Variants in PITPNM3 observed in about 807,000 individuals in gnomAD.
PITPNM3 encodes PITPNM family member 3.
In PITPNM3, 26 loss-of-function variants were observed where a neutral mutation model predicts 102.0. The ratio of observed to expected loss-of-function variants is 0.25; its 90% CI spans 0.19 to 0.35. The LOEUF (loss-of-function observed/expected upper bound fraction) is 0.35. Among genes scored for constraint, PITPNM3 ranks in the 10% least tolerant of loss-of-function variants. PITPNM3 has a pLI of 1.00. For synonymous variants in PITPNM3, 578 were observed against 558.6 expected (o/e 1.03, Z -0.49); for missense variants, 1,083 against 1,346.1 (o/e 0.80, Z 3.06).
At chr17:6,463,267 G>T (rs1339470686) in intron 17 of PITPNM3, among the ~76,000 whole-genome samples, 1 of 152,104 alleles carries the variant, frequency 6.6e-6, no homozygotes, top group Non-Finnish European at 1.5e-5. Flanking sequence ...ATCACTTGGA[G>T]TCCTGGGTTA....
intron 10 of PITPNM3, chr17:6,473,363 G>A: frequency 4.8e-6 from 1 of 208,336 alleles, no homozygotes; most frequent in South Asian, 8.1e-5. Flanking sequence ...CTCATCGGCG[G>A]GCCTCCCTGT....
At chr17:6,489,917 T>C (rs375564062) in intron 4 of PITPNM3, among the ~76,000 whole-genome samples, 5 of 151,824 alleles carry the variant, frequency 3.3e-5, no homozygotes, top group East Asian at 1.9e-4. Flanking sequence ...GGCAGAAGAA[T>C]CGCTTGAACC....
At chr17:6,553,585 C>T (rs1279346334) in intron 1 of PITPNM3, among the ~76,000 whole-genome samples, 1 of 152,192 alleles carries the variant, frequency 6.6e-6, no homozygotes, top group African/African-American at 2.4e-5. Flanking sequence ...CATGGCAGCC[C>T]TGGGGCCCAA....
chr17:6,473,612 C>G (rs1444185987), intron 10 of PITPNM3, among the ~76,000 whole-genome samples: 2 of 152,196 alleles, frequency 1.3e-5, no homozygotes, highest in Non-Finnish European at 2.9e-5. Context: ...GATACCCTCC[C>G]CACCCCTCAT....
chr17:6,535,679 G>A (rs932425690), intron 2 of PITPNM3, among the ~76,000 whole-genome samples: 2 of 152,242 alleles, frequency 1.3e-5, no homozygotes, highest in African/African-American at 2.4e-5. Context: ...AGCACTTTGG[G>A]AGGCCAAGGC....
At position 6,540,521 on chromosome 17, in the gene PITPNM3, T is replaced by C. The variant is rs566775737; in HGVS notation, c.23-2439A>G. Among the ~76,000 whole-genome samples the C allele has an allele frequency of 2.0e-5, 3 of 152,358 alleles. No homozygotes were observed. In the East Asian group the frequency reaches 5.8e-4, roughly 29 times the overall value. On this transcript the variant is annotated intron_variant, in intron 1 of 19. Coordinates refer to ENST00000262483, the MANE Select transcript of PITPNM3 (RefSeq NM_031220.4). ...AGAACTTTGTCACCTATTGTAGTTA[T>C]AAATGCTGAACTAACATGATGTCTC...
At position 6,470,549 on chromosome 17, in the gene PITPNM3, G is replaced by T; in HGVS notation, c.1625-141C>A. On this transcript the variant is annotated intron_variant, in intron 12 of 19. Coordinates refer to ENST00000262483, the MANE Select transcript of PITPNM3 (RefSeq NM_031220.4). The surrounding 1 kb of genome is among the most constrained non-coding windows in gnomAD (Gnocchi z 4.8). Reference sequence around the variant, plus strand: ...TGGGCGGGAGCACCCTGGCCTGGAGGAGGCCTGGGGAACGCGCTGCTCTTC... The same window carrying T: ...TGGGCGGGAGCACCCTGGCCTGGAGTAGGCCTGGGGAACGCGCTGCTCTTC... 9.3e-7 allele frequency: 1 copy of T among 1,076,678 alleles called. No individual in the cohort carries two copies. The allele number at this position is 1,076,678 out of a possible 1,614,324, so 66.7% of individuals were successfully genotyped here.
At chr17:6,521,519 T>C (rs1195064508) in intron 3 of PITPNM3, 1 of 151,790 alleles carries the variant, frequency 6.6e-6, no homozygotes, top group East Asian at 1.9e-4. Context: ...AAAATAATAA[T>C]AGTATAATAA....
Position 6,472,927 on chromosome 17 carries a change from T to C in PITPNM3, c.1259-100A>G. The C allele has an allele frequency of 1.4e-6, 2 of 1,395,624 alleles. No individual in the cohort carries two copies. The highest frequency in any genetic ancestry group is 2.0e-6 in the Non-Finnish European group (2 of 1,005,544). 86.5% of individuals were successfully genotyped at this position (1,395,624 alleles called of 1,614,324 possible). A position where few individuals can be genotyped will look rare whatever the true frequency, so the allele number is the denominator to read the frequency against. The stretch of plus-strand genomic sequence containing the variant: ...TGCAGCCTGGAGTAGCCTACTCCCC[T>C]CTCAAGAGCCTCCCCGGGCTCCCTG... On this transcript the variant is annotated intron_variant, in intron 10 of 19. Transcript: ENST00000262483. The surrounding 1 kb of genome is among the most constrained non-coding windows in gnomAD (Gnocchi z 4.1).
Position 6,538,007 on chromosome 17 carries a change from T to A in PITPNM3, c.98A>T (p.Asp33Val). 6.2e-7 allele frequency: 1 copy of A among 1,613,512 alleles called. No individual in the cohort carries two copies. The highest frequency in any genetic ancestry group is 8.5e-7 in the Non-Finnish European group (1 of 1,179,556). Residue 33 changes from aspartate (D) to valine (V), a missense_variant, in exon 2 of 20, where the codon GAT becomes GTT. Asp to Val is a radical substitution (Grantham distance 152). This residue lies in a region of PITPNM3 where 290 missense variants were observed against 337.8 expected (regional missense o/e 0.86). Transcript: ENST00000262483. ...VLSDSVESSD[D>V]EFFDAREEMA... ...CTCACCTCTGGCATCAAAGAATTCA[T>A]CATCTGAGCTCTCCACAGAGTCACT... is the stretch of plus-strand genomic sequence containing the variant.
At chr17:6,506,668 C>T (rs1907530105) in intron 3 of PITPNM3, among the ~76,000 whole-genome samples, 2 of 152,220 alleles carry the variant, frequency 1.3e-5, no homozygotes, top group Admixed American at 6.5e-5. Flanking sequence ...CCGCGCCCGG[C>T]CAGTGTTTTC....
intron 1 of PITPNM3, among the ~76,000 whole-genome samples, chr17:6,544,482 T>A (rs1909905352): frequency 6.6e-6 from 1 of 152,012 alleles, no homozygotes; most frequent in Admixed American, 6.6e-5. Flanking sequence ...CATTGAGCCA[T>A]GATCATGCCA....
At chr17:6,474,099 GAGA>G (rs1227970839) in intron 10 of PITPNM3, among the ~76,000 whole-genome samples, 1 of 152,148 alleles carries the variant, frequency 6.6e-6, no homozygotes, top group East Asian at 1.9e-4. Context: ...CTCAGTACAG[GAGA>G]AGGAGAGGGT....
Position 6,452,639 on chromosome 17 carries a change from G to A in PITPNM3, c.*2699C>T, listed in dbSNP as rs1055436954. On this transcript the variant is annotated 3_prime_UTR_variant, in exon 20 of 20. Transcript: ENST00000262483. ...AGCATATGCATTACACAGTTGCCGTGAAAGCAGTACTGAAACATACCTTGT... is the reference window on the plus strand; with the variant it reads ...AGCATATGCATTACACAGTTGCCGTAAAAGCAGTACTGAAACATACCTTGT... 2 of 152,194 alleles carry A rather than the reference G, an allele frequency of 1.3e-5. No individual in the cohort carries two copies. Among genetic ancestry groups the A allele is most frequent in the African/African-American group, 2.4e-5 (1 of 41,444 alleles). 9.4% of individuals were successfully genotyped at this position (152,194 alleles called of 1,614,324 possible).
chr17:6,455,124 G>A lies in PITPNM3; in HGVS notation c.*214C>T, dbSNP rs761907469. ...CGCAGGCCCGTGGGAGGCAGCAGTG[G>A]CTGCACCGAGATCCCCGGACCTCAC... On this transcript the variant is annotated 3_prime_UTR_variant, in exon 20 of 20. Coordinates refer to ENST00000262483, the MANE Select transcript of PITPNM3 (RefSeq NM_031220.4). 1.7e-6 allele frequency: 1 copy of A among 599,216 alleles called. No individual in the cohort carries two copies. Among genetic ancestry groups the A allele is most frequent in the Non-Finnish European group, 2.8e-6 (1 of 359,922 alleles). 37.1% of individuals were successfully genotyped at this position (599,216 alleles called of 1,614,324 possible).
chr17:6,456,386 C>T (rs1016527379), intron 19 of PITPNM3, among the ~76,000 whole-genome samples: 11 of 152,166 alleles, frequency 7.2e-5, no homozygotes, highest in African/African-American at 1.9e-4. Context: ...AAGTCCCTCC[C>T]GTCACGCAGC....
chr17:6,472,238 C>T lies in PITPNM3; in HGVS notation c.1429+419G>A, dbSNP rs9902967. Among the ~76,000 whole-genome samples, 47,125 of 152,060 alleles carry T rather than the reference C, an allele frequency of 0.31. 7,890 individuals are homozygous for T. The highest frequency in any genetic ancestry group is 0.49 in the Middle Eastern group (143 of 294). Reference sequence around the variant, plus strand: ...TCATCCTCTAGCTCTTCTCCACCTGCCCAAATGCACCTCCCCTCTCTGGAC... The same window carrying T: ...TCATCCTCTAGCTCTTCTCCACCTGTCCAAATGCACCTCCCCTCTCTGGAC... On this transcript the variant is annotated intron_variant, in intron 11 of 19. Transcript: ENST00000262483. The surrounding 1 kb of genome is among the most constrained non-coding windows in gnomAD (Gnocchi z 4.1).
Position 6,478,934 on chromosome 17 carries a change from A to C in PITPNM3, c.588-198T>G. Reference sequence around the variant, plus strand: ...AGAGGGGAAGAGGATTCAAGCCTACACTGACTCCCTGTGTGTCCTTCCCGT... The same window carrying C: ...AGAGGGGAAGAGGATTCAAGCCTACCCTGACTCCCTGTGTGTCCTTCCCGT... On this transcript the variant is annotated intron_variant, in intron 6 of 19. Coordinates refer to ENST00000262483, the MANE Select transcript of PITPNM3 (RefSeq NM_031220.4). The surrounding 1 kb of genome is among the most constrained non-coding windows in gnomAD (Gnocchi z 4.4). 1 of 613,132 alleles carries C rather than the reference A, an allele frequency of 1.6e-6. No individual in the cohort carries two copies. The highest frequency in any genetic ancestry group is 2.9e-6 in the Non-Finnish European group (1 of 350,672). The allele number at this position is 613,132 out of a possible 1,614,324, so 38.0% of individuals were successfully genotyped here. A position where few individuals can be genotyped will look rare whatever the true frequency, so the allele number is the denominator to read the frequency against.
intron 4 of PITPNM3, among the ~76,000 whole-genome samples, chr17:6,486,438 C>A (rs1167991535): frequency 6.6e-6 from 1 of 152,160 alleles, no homozygotes; most frequent in Non-Finnish European, 1.5e-5. Context: ...CATGACCAGC[C>A]CCAGGGGAGG....
Sources: gnomAD v4.1 joint callset for allele counts (sites outside exome capture counted in the v4.1 genomes callset) on GRCh38, gnomAD v4.1.1 for gene constraint, gnomAD v4.1.1 regional missense constraint, Gnocchi (gnomAD v3.1) non-coding constraint, MANE v1.5 for transcripts, NCBI Gene and HGNC (gene_info 2026-07-23, HGNC 2026-07-21) for gene names.